Variants in HSF1 observed in about 807,000 individuals in gnomAD.
HSF1 encodes the protein heat shock transcription factor 1.
Under a neutral mutation model 51.7 loss-of-function variants are expected in HSF1, and 32 were observed. The observed-to-expected ratio is 0.62, with a 90% CI of 0.47 to 0.83. The LOEUF is 0.83. Among genes scored for constraint, HSF1 ranks in the 40% least tolerant of loss-of-function variants. The pLI, the probability that HSF1 is intolerant of heterozygous loss-of-function variation, is 0.00. For missense variants in HSF1, 727 were observed against 717.0 expected (o/e 1.01, Z -0.16); for synonymous variants, 396 against 309.7 (o/e 1.28, Z -2.92).
chr8:144,299,259 T>C (rs1389799368), intron 1 of HSF1, among the ~76,000 whole-genome samples: 1 of 151,582 alleles, frequency 6.6e-6, no homozygotes, highest in Non-Finnish European at 1.5e-5. Flanking sequence ...CTGGCCAATA[T>C]GGTGAAACGC....
intron 1 of HSF1, among the ~76,000 whole-genome samples, chr8:144,296,930 G>GA (rs374873607): frequency 6.6e-6 from 1 of 151,980 alleles, no homozygotes; most frequent in Non-Finnish European, 1.5e-5. Flanking sequence ...GGTGTGGTGG[G>GA]GGGGGTGCGG....
Position 144,314,444 on chromosome 8 carries a change from C to A in HSF1, c.*114C>A. The A allele has an allele frequency of 1.2e-6, 1 of 859,124 alleles. No individual in the cohort carries two copies. Among genetic ancestry groups the A allele is most frequent in the South Asian group, 1.7e-5 (1 of 59,088 alleles). The allele number at this position is 859,124 out of a possible 1,614,324, so 53.2% of individuals were successfully genotyped here. A position where few individuals can be genotyped will look rare whatever the true frequency, so the allele number is the denominator to read the frequency against. On this transcript the variant is annotated 3_prime_UTR_variant, in exon 13 of 13. Transcript: ENST00000528838. ...CACTGGTGGGTCGGCCGCCATAGCC[C>A]CAGTAGGACAAACGGGCTCGGGTCT...
chr8:144,312,041 G>A lies in HSF1; in HGVS notation c.939G>A (p.Ala313=), dbSNP rs567071707. The A allele has an allele frequency of 4.3e-6, 7 of 1,610,952 alleles. No individual in the cohort carries two copies. Among genetic ancestry groups the A allele is most frequent in the African/African-American group, 1.3e-5 (1 of 74,938 alleles). ...SPPQSPRVEE[A]SPGRPSSVDT... is the part of the protein sequence containing the mutation. ...CTCAGAGCCCCCGGGTAGAGGAGGC[G>A]AGTCCCGGGCGCCCATCTTCCGTGG... The change falls in exon 9 of 13, where the codon GCG becomes GCA. Residue 313 remains alanine (A), a synonymous_variant. Transcript: ENST00000528838.
intron 1 of HSF1, among the ~76,000 whole-genome samples, chr8:144,295,342 A>G (rs1224334221): frequency 6.6e-6 from 1 of 152,276 alleles, no homozygotes; most frequent in East Asian, 1.9e-4. Context: ...AAGATAAGGA[A>G]GTATGAAAAG....
chr8:144,309,213 C>T, intron 2 of HSF1, 199 bp downstream of exon 2: 1 of 663,124 alleles, frequency 1.5e-6, no homozygotes, highest in Non-Finnish European at 2.6e-6. Flanking sequence ...AACCTGGGGT[C>T]CCCATGGAAG....
intron 3 of HSF1, 31 bp downstream of exon 3, chr8:144,309,622 C>G: frequency 1.2e-6 from 2 of 1,611,310 alleles, no homozygotes; most frequent in Non-Finnish European, 1.7e-6. Context: ...CTTGCCCGGT[C>G]TCACCTGCCA....
intron 1 of HSF1, among the ~76,000 whole-genome samples, chr8:144,299,874 A>T (rs1386226316): frequency 6.6e-6 from 1 of 152,278 alleles, no homozygotes; most frequent in African/African-American, 2.4e-5. Context: ...GTGCCACTGC[A>T]CTCCAGCCTG....
chr8:144,313,562 G>A lies in HSF1; in HGVS notation c.1194G>A (p.Leu398=). The stretch of plus-strand genomic sequence containing the variant: ...CTATGGACTCCAACCTGGATAACCT[G>A]CAGACCATGCTGAGCAGCCACGGCT... ...LDAMDSNLDN[L]QTMLSSHGFS... Residue 398 remains leucine, a synonymous_variant, in exon 10 of 13, where the codon CTG becomes CTA. Transcript: ENST00000528838. The A allele has an allele frequency of 1.2e-6, 2 of 1,612,032 alleles. No homozygotes were observed. Among genetic ancestry groups the A allele is most frequent in the Non-Finnish European group, 1.7e-6 (2 of 1,179,326 alleles).
rs147075507 is a variant in HSF1 at position 144,298,946 on chromosome 8, C to T, written c.117+7072C>T. Among the ~76,000 whole-genome samples, 1,369 of 152,278 alleles carry T rather than the reference C, an allele frequency of 9.0e-3. 29 individuals carry two copies. The highest frequency in any genetic ancestry group is 0.032 in the African/African-American group (1,320 of 41,546). The stretch of plus-strand genomic sequence containing the variant: ...CAGATGAGCAGGACTCACACAGGGC[C>T]GTGGTTATTTCAGTTCCCACCAGCC... On this transcript the variant is annotated intron_variant, in intron 1 of 12. Coordinates refer to ENST00000528838, the MANE Select transcript of HSF1 (RefSeq NM_005526.4).
chr8:144,308,889 A>T lies in HSF1; in HGVS notation c.118-17A>T, dbSNP rs782324027. 12 of 1,609,362 alleles carry T rather than the reference A, an allele frequency of 7.5e-6. No individual in the cohort carries two copies. In the South Asian group the frequency reaches 1.3e-4, roughly 18 times the overall value. On this transcript the variant is annotated splice_polypyrimidine_tract_variant and intron_variant, in intron 1 of 12. Coordinates refer to ENST00000528838, the MANE Select transcript of HSF1 (RefSeq NM_005526.4). ...CCTCACCACCACGCGTGACCCACCC[A>T]TGTGTCTCCCTTTCAGAGCGGGAAC...
rs554879026 is a variant in HSF1 at position 144,295,885 on chromosome 8, T to G, written c.117+4011T>G. On this transcript the variant is annotated intron_variant, in intron 1 of 12. Transcript: ENST00000528838. ...CCCTGAGGCATTCCTTTTTAAGACC[T>G]ACCTGCATTCGGATGGCGCTGGGAG... 3.7e-4 allele frequency among the ~76,000 whole-genome samples: 56 copies of G among 152,300 alleles called. 1 individual carries two copies. In the South Asian group the frequency reaches 8.1e-3, roughly 22 times the overall value.
chr8:144,294,582 C>G (rs1370836523), intron 1 of HSF1, among the ~76,000 whole-genome samples: 1 of 152,262 alleles, frequency 6.6e-6, no homozygotes, highest in South Asian at 2.1e-4. Flanking sequence ...TGGCCAGTAA[C>G]TTTACTGAGC....
chr8:144,312,051 C>T lies in HSF1; in HGVS notation c.949C>T (p.Arg317Cys), dbSNP rs534456541. The change falls in exon 9 of 13, where the codon CGC becomes TGC. Residue 317 changes from arginine to cysteine, a missense_variant. Around this residue, in one of 2 missense-constraint regions of HSF1, gnomAD observed 470 missense variants for 398.8 expected, o/e 1.18. Transcript: ENST00000528838. Reference protein sequence around the residue: ...SPRVEEASPGRPSSVDTLLSP... With the variant: ...SPRVEEASPGCPSSVDTLLSP... Reference sequence around the variant, plus strand: ...CCGGGTAGAGGAGGCGAGTCCCGGGCGCCCATCTTCCGTGGACACCCTCTT... The same window carrying T: ...CCGGGTAGAGGAGGCGAGTCCCGGGTGCCCATCTTCCGTGGACACCCTCTT... The T allele has an allele frequency of 2.3e-5, 37 of 1,611,736 alleles. No individual in the cohort carries two copies. Among genetic ancestry groups the T allele is most frequent in the Admixed American group, 1.2e-4 (7 of 59,978 alleles).
chr8:144,313,551 C>T lies in HSF1; in HGVS notation c.1183C>T (p.Leu395=), dbSNP rs531782279. The change falls in exon 10 of 13, where the codon CTG becomes TTG. Residue 395 remains leucine (L), a synonymous_variant. Transcript: ENST00000528838. ...SDHLDAMDSN[L]DNLQTMLSSH... is the part of the protein sequence containing the mutation. ...CCACTTGGATGCTATGGACTCCAACCTGGATAACCTGCAGACCATGCTGAG... is the reference window on the plus strand; with the variant it reads ...CCACTTGGATGCTATGGACTCCAACTTGGATAACCTGCAGACCATGCTGAG... 4.3e-6 allele frequency: 7 copies of T among 1,612,206 alleles called. No homozygotes were observed. Among genetic ancestry groups the T allele is most frequent in the South Asian group, 2.2e-5 (2 of 91,076 alleles).
rs187854953 is a variant in HSF1, at chr8:144,311,613, A to G, written c.723+12A>G. 1.1e-3 allele frequency: 1,757 copies of G among 1,613,102 alleles called. 19 individuals are homozygous for G. In the African/African-American group the frequency reaches 0.021, roughly 19 times the overall value. ...CGGGCCCCTACTCGGTGAGTGCCGG[A>G]GACAGGGCACCCGCCCAGGCATGCA... On this transcript the variant is annotated intron_variant, in intron 7 of 12. Transcript: ENST00000528838.
At chr8:144,303,034 T>C (rs1554842675) in intron 1 of HSF1, among the ~76,000 whole-genome samples, 1 of 152,028 alleles carries the variant, frequency 6.6e-6, no homozygotes, top group African/African-American at 2.4e-5. Flanking sequence ...ACACAAATGC[T>C]GCATCCGCTT....
chr8:144,300,018 G>A (rs1554841978), intron 1 of HSF1, among the ~76,000 whole-genome samples: 1 of 152,190 alleles, frequency 6.6e-6, no homozygotes, highest in Non-Finnish European at 1.5e-5. Context: ...ATTGTTTACT[G>A]AGATAGTTCC....
chr8:144,309,454 G>A lies in HSF1; in HGVS notation c.227-1G>A. On this transcript the variant is annotated splice_acceptor_variant, in intron 2 of 12. Coordinates refer to ENST00000528838, the MANE Select transcript of HSF1 (RefSeq NM_005526.4). LOFTEE classifies it high-confidence loss of function. Reference sequence around the variant, plus strand: ...GCTGCCCCCTTCCCTGTTATGTGCAGATGGCTTCCGGAAAGTGGTCCACAT... The same window carrying A: ...GCTGCCCCCTTCCCTGTTATGTGCAAATGGCTTCCGGAAAGTGGTCCACAT... The A allele has an allele frequency of 6.2e-7, 1 of 1,613,940 alleles. No homozygotes were observed. The highest frequency in any genetic ancestry group is 8.5e-7 in the Non-Finnish European group (1 of 1,179,984).
At chr8:144,308,515 T>C (rs978604824) in intron 1 of HSF1, among the ~76,000 whole-genome samples, 3 of 152,222 alleles carry the variant, frequency 2.0e-5, no homozygotes, top group Non-Finnish European at 2.9e-5. Context: ...AGGTGCTTTG[T>C]GAGTGGAAAC....
Sources: allele counts gnomAD v4.1 joint callset (sites outside exome capture counted in the v4.1 genomes callset), GRCh38; gene constraint gnomAD v4.1.1; regional missense constraint gnomAD v4.1.1; transcripts MANE v1.5; gene names NCBI Gene and HGNC (gene_info 2026-07-23, HGNC 2026-07-21).